The following MAP3K20 variants were observed in gnomAD, a reference collection of about 807,000 sequenced individuals.
The protein encoded by MAP3K20 is HCCS-4.
Under a neutral mutation model 85.7 loss-of-function variants are expected in MAP3K20, and 40 were observed. The ratio of observed to expected loss-of-function variants is 0.47; its 90% CI spans 0.36 to 0.61. The LOEUF (loss-of-function observed/expected upper bound fraction) is 0.61. Ranked by LOEUF, MAP3K20 falls within the 20% of genes least tolerant of loss-of-function variation. MAP3K20 has a pLI of 0.00. For missense variants in MAP3K20, 817 were observed against 961.7 expected, an observed-to-expected ratio of 0.85 and a Z score of 1.99; for synonymous variants, 325 against 327.7, an observed-to-expected ratio of 0.99 and a Z score of 0.09.
intron 4 of MAP3K20, among the ~76,000 whole-genome samples, chr2:173,183,932 A>G (rs1232281954): frequency 3.3e-5 from 5 of 152,186 alleles, no homozygotes; most frequent in African/African-American, 1.2e-4. Flanking sequence ...AACACCTACC[A>G]AATTCTTCAA....
intron 1 of MAP3K20, among the ~76,000 whole-genome samples, chr2:173,079,154 C>G (rs180816147): frequency 1.3e-5 from 2 of 152,164 alleles, no homozygotes; most frequent in Non-Finnish European, 2.9e-5. Flanking sequence ...TGAGATAGTC[C>G]GTTGCTCCTA....
chr2:173,164,091 C>T (rs1226413846), intron 2 of MAP3K20, among the ~76,000 whole-genome samples: 1 of 152,032 alleles, frequency 6.6e-6, no homozygotes, highest in Non-Finnish European at 1.5e-5. Flanking sequence ...TCTGGAGTAG[C>T]TGGGATTACA....
At chr2:173,182,061 G>C (rs1404713826) in intron 3 of MAP3K20, among the ~76,000 whole-genome samples, 1 of 152,090 alleles carries the variant, frequency 6.6e-6, no homozygotes, top group Admixed American at 6.5e-5. Context: ...CTGGGCAAAA[G>C]AACGAGACCC....
chr2:173,179,704 GCACACACACACACA>G (rs71018541), intron 3 of MAP3K20, among the ~76,000 whole-genome samples: 2 of 146,080 alleles, frequency 1.4e-5, no homozygotes, highest in African/African-American at 2.5e-5. Context: ...TAAGGAATGC[GCACACACACACACA>G]CACACACACA....
At chr2:173,151,784 A>G (rs1377819527) in intron 2 of MAP3K20, among the ~76,000 whole-genome samples, 2 of 152,212 alleles carry the variant, frequency 1.3e-5, no homozygotes, top group Non-Finnish European at 2.9e-5. Context: ...TTTCTTAGTG[A>G]CACACTGGAA....
At chr2:173,248,039 G>A (rs1410123582) in intron 16 of MAP3K20, among the ~76,000 whole-genome samples, 1 of 152,208 alleles carries the variant, frequency 6.6e-6, no homozygotes, top group Non-Finnish European at 1.5e-5. Flanking sequence ...CACAGGGTGT[G>A]CAGGCGAAGT....
chr2:173,226,457 CTG>C (rs1388147249), intron 11 of MAP3K20: 2 of 985,436 alleles, frequency 2.0e-6, no homozygotes, highest in South Asian at 4.7e-5. Context: ...TTGAGTAAGA[CTG>C]TTTTCCTGTT....
At chr2:173,216,804 T>TA (rs1397182779) in intron 10 of MAP3K20, among the ~76,000 whole-genome samples, 1 of 152,182 alleles carries the variant, frequency 6.6e-6, no homozygotes, top group Non-Finnish European at 1.5e-5. Context: ...TAACATCACT[T>TA]ATGAACTGTA....
Position 173,094,439 on chromosome 2 carries a change from C to T in MAP3K20, c.159+3249C>T, listed in dbSNP as rs545622958. Among the ~76,000 whole-genome samples the T allele has an allele frequency of 3.9e-5, 6 of 152,190 alleles. No individual in the cohort carries two copies. In the East Asian group the frequency reaches 9.6e-4, roughly 24 times the overall value. On this transcript the variant is annotated intron_variant, in intron 2 of 19. Transcript: ENST00000375213. ...GATAACAATAATGTTACTTGTTATA[C>T]AGTCTATATTCACATTTTGCCAACT... is the stretch of plus-strand genomic sequence containing the variant.
At chr2:173,245,842 G>C (rs911278077) in intron 16 of MAP3K20, among the ~76,000 whole-genome samples, 4 of 152,160 alleles carry the variant, frequency 2.6e-5, no homozygotes, top group Admixed American at 2.6e-4. Flanking sequence ...TGGGGCAGAA[G>C]AATCGCTTAA....
At chr2:173,199,096 T>C (rs1248070295) in intron 8 of MAP3K20, among the ~76,000 whole-genome samples, 1 of 152,190 alleles carries the variant, frequency 6.6e-6, no homozygotes, top group Admixed American at 6.5e-5. Context: ...TAAAATAATT[T>C]GCAAAAAGGT....
At chr2:173,092,935 A>G (rs1687342960) in intron 2 of MAP3K20, among the ~76,000 whole-genome samples, 1 of 152,170 alleles carries the variant, frequency 6.6e-6, no homozygotes, top group South Asian at 2.1e-4. Flanking sequence ...AATGTAGGTA[A>G]TTCAGAAATT....
intron 2 of MAP3K20, chr2:173,166,875 A>G (rs962853061): frequency 6.7e-6 from 1 of 149,882 alleles, no homozygotes; most frequent in Non-Finnish European, 1.5e-5. Context: ...TCAGTGACAA[A>G]TTATTTACTA....
chr2:173,102,802 A>G (rs1420819358), intron 2 of MAP3K20, among the ~76,000 whole-genome samples: 1 of 152,198 alleles, frequency 6.6e-6, no homozygotes, highest in Non-Finnish European at 1.5e-5. Context: ...TGCTTCCATT[A>G]TTGGAACATA....
At chr2:173,128,921 C>CTTTT (rs386391866) in intron 2 of MAP3K20, among the ~76,000 whole-genome samples, 24 of 116,096 alleles carry the variant, frequency 2.1e-4, no homozygotes, top group Admixed American at 4.1e-4. Context: ...GAAATCTTTT[C>CTTTT]TTTTTTTTTT....
intron 10 of MAP3K20, chr2:173,211,937 G>A (rs928393468): frequency 2.0e-5 from 3 of 152,172 alleles, no homozygotes; most frequent in Non-Finnish European, 4.4e-5. Context: ...TAATTCGGCA[G>A]TTAGTTGTTT....
chr2:173,160,136 G>C (rs1689604242), intron 2 of MAP3K20: 1 of 152,066 alleles, frequency 6.6e-6, no homozygotes, highest in Non-Finnish European at 1.5e-5. Context: ...ATTCTATTAT[G>C]GGTTTGAATT....
chr2:173,095,493 A>G (rs762872888), intron 2 of MAP3K20, among the ~76,000 whole-genome samples: 1 of 152,194 alleles, frequency 6.6e-6, no homozygotes, highest in Non-Finnish European at 1.5e-5. Flanking sequence ...TGAAATGTAA[A>G]CTCATGGCTC....
chr2:173,102,756 A>G (rs556998949), intron 2 of MAP3K20, among the ~76,000 whole-genome samples: 2 of 152,368 alleles, frequency 1.3e-5, no homozygotes, highest in South Asian at 2.1e-4. Context: ...TTTTAAAAAC[A>G]TGCCAAGCAG....
Sources: gnomAD v4.1 joint callset for allele counts (sites outside exome capture counted in the v4.1 genomes callset) on GRCh38, gnomAD v4.1.1 for gene constraint, MANE v1.5 for transcripts, NCBI Gene and HGNC (gene_info 2026-07-23, HGNC 2026-07-21) for gene names.